The following ODAD2 variants were observed in gnomAD, a reference collection of about 807,000 sequenced individuals.
ODAD2 encodes outer dynein arm docking complex subunit 2, also known as outer dynein arm-docking complex subunit 2.
ODAD2 carries 89 observed loss-of-function variants against 106.8 expected under a neutral mutation model. The ratio of observed to expected loss-of-function variants is 0.83; its 90% CI spans 0.70 to 0.99. ODAD2 has a LOEUF of 0.99. ODAD2 is among the 50% of genes least tolerant of loss of function. The probability of loss-of-function intolerance (pLI) is 0.00; values close to 1 mark genes in which losing one functional copy is unlikely to be tolerated. For synonymous variants in ODAD2, 404 were observed against 436.2 expected (o/e 0.93, Z 0.92); for missense variants, 1,168 against 1,238.5 (o/e 0.94, Z 0.85).
intron 16 of ODAD2, among the ~76,000 whole-genome samples, chr10:27,930,975 G>A (rs547855437): frequency 1.9e-4 from 29 of 152,172 alleles, no homozygotes; most frequent in South Asian, 2.1e-4. Context: ...CTGGAAGGCC[G>A]CTATAGACAA....
intron 2 of ODAD2, among the ~76,000 whole-genome samples, chr10:27,993,509 G>T (rs1290984790): frequency 6.6e-6 from 1 of 152,066 alleles, no homozygotes; most frequent in Non-Finnish European, 1.5e-5. Flanking sequence ...AATTAGCCAG[G>T]CGTGGTGGCG....
intron 19 of ODAD2, among the ~76,000 whole-genome samples, chr10:27,827,440 G>T (rs1446358265): frequency 6.9e-6 from 1 of 144,732 alleles, no homozygotes; most frequent in Non-Finnish European, 1.5e-5. Flanking sequence ...AGTTTTCCAA[G>T]ATGTTCAAAG....
At chr10:27,981,186 T>C (rs1378098700) in intron 7 of ODAD2, among the ~76,000 whole-genome samples, 2 of 152,144 alleles carry the variant, frequency 1.3e-5, no homozygotes, top group Non-Finnish European at 2.9e-5. Context: ...TGGGGAATTA[T>C]TGCTTAATGG....
intron 17 of ODAD2, among the ~76,000 whole-genome samples, chr10:27,891,830 CGT>C (rs1194323127): frequency 5.9e-5 from 9 of 152,050 alleles, no homozygotes; most frequent in Non-Finnish European, 1.2e-4. Context: ...TGAAAATAAT[CGT>C]GTGATACGAC....
chr10:27,964,515 G>GT (rs765961959), intron 9 of ODAD2, among the ~76,000 whole-genome samples: 1 of 152,222 alleles, frequency 6.6e-6, no homozygotes, highest in Non-Finnish European at 1.5e-5. Context: ...TGGCTGCCAG[G>GT]TATCAAGTGA....
At chr10:27,864,236 C>T (rs769338548) in intron 17 of ODAD2, among the ~76,000 whole-genome samples, 1 of 151,146 alleles carries the variant, frequency 6.6e-6, no homozygotes. Context: ...ATGATTCCCA[C>T]GTCTCTGGCT....
rs74127120 is a variant in ODAD2 at position 27,834,052 on chromosome 10, T to C, written c.3022-21427A>G. ...CAGAAGGTGAGTGACATCCAGGCCC[T>C]GCTCTGCTCTCCAGCTTGGACATCC... On this transcript the variant is annotated intron_variant, in intron 19 of 19. Transcript: ENST00000305242. Among the ~76,000 whole-genome samples, 858 of 152,320 alleles carry C rather than the reference T, an allele frequency of 5.6e-3. 5 individuals carry two copies. Among genetic ancestry groups the C allele is most frequent in the African/African-American group, 0.019 (805 of 41,574 alleles).
At chr10:27,849,230 G>A (rs557978890) in intron 19 of ODAD2, among the ~76,000 whole-genome samples, 1 of 152,198 alleles carries the variant, frequency 6.6e-6, no homozygotes, top group South Asian at 2.1e-4. Flanking sequence ...CCACGAAAAA[G>A]GATGAGTTCA....
chr10:27,925,931 G>A (rs975755415), intron 16 of ODAD2, among the ~76,000 whole-genome samples: 15 of 151,284 alleles, frequency 9.9e-5, no homozygotes, highest in African/African-American at 3.4e-4. Context: ...GCTTGAGCCC[G>A]GGATGCAAGG....
chr10:27,817,507 C>T (rs1397405401), intron 19 of ODAD2, among the ~76,000 whole-genome samples: 2 of 152,100 alleles, frequency 1.3e-5, no homozygotes, highest in Non-Finnish European at 2.9e-5. Flanking sequence ...CTCCCCATTT[C>T]CCATCTTTTG....
At chr10:27,849,978 C>T (rs1409051184) in intron 19 of ODAD2, among the ~76,000 whole-genome samples, 1 of 152,182 alleles carries the variant, frequency 6.6e-6, no homozygotes, top group African/African-American at 2.4e-5. Flanking sequence ...TGATCTCTGT[C>T]AGGGGAACCC....
chr10:27,909,651 C>T (rs147433407), intron 16 of ODAD2, among the ~76,000 whole-genome samples: 6 of 151,852 alleles, frequency 4.0e-5, no homozygotes, highest in Non-Finnish European at 8.8e-5. Flanking sequence ...AATCCTGTCT[C>T]TACTAAATAT....
At chr10:27,841,839 C>T (rs1196574714) in intron 19 of ODAD2, among the ~76,000 whole-genome samples, 4 of 152,082 alleles carry the variant, frequency 2.6e-5, no homozygotes, top group Non-Finnish European at 5.9e-5. Flanking sequence ...ACTGCAGCCT[C>T]GACCTCCCAG....
At chr10:27,948,329 C>T (rs1847085285) in intron 10 of ODAD2, among the ~76,000 whole-genome samples, 2 of 152,136 alleles carry the variant, frequency 1.3e-5, no homozygotes, top group African/African-American at 2.4e-5. Flanking sequence ...TCACTGACCA[C>T]ACTCCCAAAG....
intron 17 of ODAD2, among the ~76,000 whole-genome samples, chr10:27,901,588 CAT>C (rs1843207549): frequency 6.6e-6 from 1 of 152,082 alleles, no homozygotes; most frequent in South Asian, 2.1e-4. Context: ...CAAAGACAGA[CAT>C]AGGCTCAAAA....
chr10:27,866,263 G>C (rs1011026706), intron 17 of ODAD2, among the ~76,000 whole-genome samples: 5 of 152,114 alleles, frequency 3.3e-5, no homozygotes, highest in African/African-American at 1.2e-4. Flanking sequence ...AAAACCCAGA[G>C]GAATAAATTA....
chr10:27,959,928 G>A (rs1848007364), intron 10 of ODAD2, among the ~76,000 whole-genome samples: 1 of 151,838 alleles, frequency 6.6e-6, no homozygotes, highest in Non-Finnish European at 1.5e-5. Flanking sequence ...TAATTATATT[G>A]CAACAACATG....
intron 16 of ODAD2, among the ~76,000 whole-genome samples, chr10:27,929,917 T>A (rs979197168): frequency 6.6e-6 from 1 of 152,178 alleles, no homozygotes; most frequent in African/African-American, 2.4e-5. Context: ...GGGGTCTTTT[T>A]GAGATAAAGA....
intron 17 of ODAD2, among the ~76,000 whole-genome samples, chr10:27,906,163 T>G (rs2133846119): frequency 6.6e-6 from 1 of 151,910 alleles, no homozygotes. Flanking sequence ...TTAAACAAAT[T>G]TATAAGAAAA....
Sources: gnomAD v4.1 joint callset for allele counts (sites outside exome capture counted in the v4.1 genomes callset) on GRCh38, gnomAD v4.1.1 for gene constraint, MANE v1.5 for transcripts, NCBI Gene and HGNC (gene_info 2026-07-23, HGNC 2026-07-21) for gene names.